GCNT2: variants seen among roughly 807,000 people sequenced by gnomAD.
GCNT2 encodes the protein N-acetyllactosaminide beta-1,6-N-acetylglucosaminyl-transferase.
Under a neutral mutation model 34.2 loss-of-function variants are expected in GCNT2, and 34 were observed. The observed-to-expected ratio is 1.00, with a 90% CI of 0.76 to 1.32. The LOEUF (loss-of-function observed/expected upper bound fraction) is 1.32. Among genes scored for constraint, GCNT2 ranks in the 40% most tolerant of loss-of-function variants. The pLI is 0.00. For missense variants in GCNT2, 584 were observed against 489.4 expected, an observed-to-expected ratio of 1.19 and a Z score of -1.82; for synonymous variants, 212 against 188.0, an observed-to-expected ratio of 1.13 and a Z score of -1.04.
At position 10,627,746 on chromosome 6, in the gene GCNT2, C is replaced by T. The variant is rs892258389; in HGVS notation, c.*1139C>T. 3.9e-5 allele frequency: 6 copies of T among 152,216 alleles called. No homozygotes were observed. The highest frequency in any genetic ancestry group is 2.6e-4 in the Admixed American group (4 of 15,278). 9.4% of individuals were successfully genotyped at this position (152,216 alleles called of 1,614,324 possible). A position where few individuals can be genotyped will look rare whatever the true frequency, so the allele number is the denominator to read the frequency against. ...CAATAATGTCAACACCAGAAAGCCTCCTCTGGAGAATCTTACAGAGTGATT... is the reference window on the plus strand; with the variant it reads ...CAATAATGTCAACACCAGAAAGCCTTCTCTGGAGAATCTTACAGAGTGATT... On this transcript the variant is annotated 3_prime_UTR_variant, in exon 5 of 5. Coordinates refer to ENST00000495262, the MANE Select transcript of GCNT2 (RefSeq NM_145649.5).
At chr6:10,617,727 C>T (rs974493782) in intron 3 of GCNT2, among the ~76,000 whole-genome samples, 1 of 149,698 alleles carries the variant, frequency 6.7e-6, no homozygotes, top group African/African-American at 2.5e-5. Flanking sequence ...GGCCACTGCA[C>T]CTGGCCAGAG....
At chr6:10,533,800 CAAAAAAAAAAA>C (rs869274003) in intron 3 of GCNT2, among the ~76,000 whole-genome samples, 16 of 43,378 alleles carry the variant, frequency 3.7e-4, no homozygotes, top group South Asian at 2.4e-3. Flanking sequence ...GACTCTGTCT[CAAAAAAAAAAA>C]AAAAAAAAAA....
chr6:10,580,031 T>C (rs140943241), intron 3 of GCNT2, among the ~76,000 whole-genome samples: 27 of 152,244 alleles, frequency 1.8e-4, no homozygotes, highest in African/African-American at 6.5e-4. Context: ...TATAAGAACA[T>C]TTTATGATCG....
At chr6:10,568,565 C>T (rs1163061028) in intron 3 of GCNT2, among the ~76,000 whole-genome samples, 1 of 152,198 alleles carries the variant, frequency 6.6e-6, no homozygotes, top group African/African-American at 2.4e-5. Flanking sequence ...CTTCTTAAGA[C>T]ATAGCTCTAA....
chr6:10,529,815 G>A lies in GCNT2; in HGVS notation c.904G>A (p.Val302Met). 1.9e-6 allele frequency: 3 copies of A among 1,613,746 alleles called. No individual in the cohort carries two copies. The highest frequency in any genetic ancestry group is 2.5e-6 in the Non-Finnish European group (3 of 1,179,750). Residue 302 changes from valine to methionine, a missense_variant, in exon 3 of 5, where the codon GTG becomes ATG. Val to Met is a conservative substitution (Grantham distance 21). Transcript: ENST00000495262. ...CTACAGCCCCGACGAACATTTCTGG[G>A]TGACACTCAACAGGATTCCCGGTAT... ...DTYSPDEHFW[V>M]TLNRIPGVPG...
intron 3 of GCNT2, among the ~76,000 whole-genome samples, chr6:10,589,556 A>C (rs1462934616): frequency 6.6e-6 from 1 of 152,084 alleles, no homozygotes; most frequent in Non-Finnish European, 1.5e-5. Flanking sequence ...TCCGGGGTCC[A>C]TCTGGAGCAG....
At chr6:10,588,891 G>A (rs983582307) in intron 3 of GCNT2, among the ~76,000 whole-genome samples, 7 of 25,656 alleles carry the variant, frequency 2.7e-4, no homozygotes, top group East Asian at 1.3e-3. Flanking sequence ...TGTTTGTAGC[G>A]TGTGTGTTGT....
rs1056923136 is a variant in GCNT2 at position 10,617,479 on chromosome 6, G to T, written c.926-3872G>T. ...AGGGGCTCCCACAGTGCAGCCGCGGGCTGAAGGGCTCCTCAAGTGGGGCCA... is the reference window on the plus strand; with the variant it reads ...AGGGGCTCCCACAGTGCAGCCGCGGTCTGAAGGGCTCCTCAAGTGGGGCCA... On this transcript the variant is annotated intron_variant, in intron 3 of 4. Transcript: ENST00000495262. Among the ~76,000 whole-genome samples the T allele has an allele frequency of 3.3e-5, 5 of 152,350 alleles. No homozygotes were observed. The East Asian group carries it at 9.7e-4, about 30-fold the overall frequency.
intron 3 of GCNT2, among the ~76,000 whole-genome samples, chr6:10,554,680 C>T (rs544349953): frequency 6.6e-6 from 1 of 152,080 alleles, no homozygotes; most frequent in Admixed American, 6.5e-5. Flanking sequence ...AGAAGAAAAA[C>T]TTAGGATTGA....
intron 3 of GCNT2, among the ~76,000 whole-genome samples, chr6:10,591,468 T>G (rs748898011): frequency 2.0e-5 from 3 of 152,202 alleles, no homozygotes; most frequent in Non-Finnish European, 4.4e-5. Flanking sequence ...CGAGCCCCAC[T>G]TTATTCCAGA....
chr6:10,529,589 T>G lies in GCNT2; in HGVS notation c.678T>G (p.Val226=). ...GAGTGCTGCCTCCTGACCACGCTGT[T>G]GGACGGACTAAATACGTCCACCAAG... ...TPGVLPPDHA[V]GRTKYVHQEL... The change falls in exon 3 of 5, where the codon GTT becomes GTG. Residue 226 remains valine, a synonymous_variant. Transcript: ENST00000495262. 6.2e-7 allele frequency: 1 copy of G among 1,614,182 alleles called. No individual in the cohort carries two copies. Among genetic ancestry groups the G allele is most frequent in the Non-Finnish European group, 8.5e-7 (1 of 1,180,004 alleles).
chr6:10,619,682 G>A (rs1765950458), intron 3 of GCNT2: 1 of 152,100 alleles, frequency 6.6e-6, no homozygotes, highest in Non-Finnish European at 1.5e-5. Context: ...TCATTAGCAT[G>A]TGTATTAGCT....
At chr6:10,582,311 T>C (rs1291442415) in intron 3 of GCNT2, among the ~76,000 whole-genome samples, 1 of 108,590 alleles carries the variant, frequency 9.2e-6, no homozygotes, top group Middle Eastern at 5.6e-3. Flanking sequence ...ATTTAATATA[T>C]AGTAATATTA....
intron 3 of GCNT2, among the ~76,000 whole-genome samples, chr6:10,549,207 C>T (rs1022489891): frequency 6.6e-6 from 1 of 152,318 alleles, no homozygotes; most frequent in Middle Eastern, 3.4e-3. Flanking sequence ...CGGCATTTTT[C>T]AGCCCAAAAT....
chr6:10,579,416 A>G (rs1314550734), intron 3 of GCNT2, among the ~76,000 whole-genome samples: 1 of 152,216 alleles, frequency 6.6e-6, no homozygotes, highest in Non-Finnish European at 1.5e-5. Flanking sequence ...TTCTGCTTAT[A>G]TTCAAAGAAA....
intron 4 of GCNT2, among the ~76,000 whole-genome samples, chr6:10,622,084 G>A (rs1016200216): frequency 1.3e-5 from 2 of 152,160 alleles, no homozygotes; most frequent in African/African-American, 4.8e-5. Flanking sequence ...GGTTTGCACA[G>A]CTCTGGCATG....
chr6:10,521,946 C>CGA (rs1760936319), intron 1 of GCNT2, among the ~76,000 whole-genome samples: 1 of 151,268 alleles, frequency 6.6e-6, no homozygotes, highest in Admixed American at 6.6e-5. Flanking sequence ...GTCACCCAGG[C>CGA]GAGAGTACGG....
At chr6:10,551,431 TTTA>T (rs61148990) in intron 3 of GCNT2, among the ~76,000 whole-genome samples, 5,930 of 147,206 alleles carry the variant, frequency 0.04, 353 homozygotes, top group African/African-American at 0.14. Context: ...ATTTTTATTA[TTTA>T]TTATTATTAT....
At chr6:10,572,919 G>A (rs925012313) in intron 3 of GCNT2, among the ~76,000 whole-genome samples, 2 of 152,120 alleles carry the variant, frequency 1.3e-5, no homozygotes, top group Admixed American at 6.5e-5. Flanking sequence ...CAGAAGAAAC[G>A]TCTGCTTTTT....
Sources: allele counts gnomAD v4.1 joint callset (sites outside exome capture counted in the v4.1 genomes callset), GRCh38; gene constraint gnomAD v4.1.1; transcripts MANE v1.5; gene names NCBI Gene and HGNC (gene_info 2026-07-23, HGNC 2026-07-21).